GRAMD1A: variants seen among roughly 807,000 people sequenced by gnomAD.
GRAMD1A encodes the protein protein Aster-A.
Under a neutral mutation model 92.0 loss-of-function variants are expected in GRAMD1A, and 50 were observed. The observed-to-expected ratio is 0.54, with a 90% CI of 0.43 to 0.69. GRAMD1A has a LOEUF of 0.69. GRAMD1A is among the 30% of genes least tolerant of loss of function. GRAMD1A has a pLI of 0.00. For missense variants in GRAMD1A, 819 were observed against 978.9 expected, an observed-to-expected ratio of 0.84 and a Z score of 2.18; for synonymous variants, 405 against 403.6, an observed-to-expected ratio of 1.00 and a Z score of -0.04.
intron 19 of GRAMD1A, 93 bp from the exon 20 acceptor site, chr19:35,025,956 G>T: frequency 1.3e-6 from 1 of 755,082 alleles, no homozygotes; most frequent in Admixed American, 1.8e-5. Flanking sequence ...CCTCTAGACC[G>T]TCCTCAGTTT....
At chr19:35,019,560 C>A (rs201802738) in intron 13 of GRAMD1A, 27 bp downstream of exon 13, 2 of 1,609,928 alleles carry the variant, frequency 1.2e-6, no homozygotes, top group Non-Finnish European at 1.7e-6. Context: ...CCCCTCCACC[C>A]GATGCCCTGG....
In GRAMD1A at chr19:35,023,582, C is replaced by T. The variant is rs778622472; in HGVS notation, c.2082+35C>T. 56 of 1,541,194 alleles carry T rather than the reference C, an allele frequency of 3.6e-5. No individual in the cohort carries two copies. The East Asian group carries it at 5.8e-4, about 16-fold the overall frequency. On this transcript the variant is annotated intron_variant, in intron 19 of 19. Transcript: ENST00000317991. ...GCCGCTCGGGCAGGGCTCGGGGCTG[C>T]GGGGCTGCAGGGTCCTGTGTTGAAA...
Position 35,025,665 on chromosome 19 carries a change from T to C in GRAMD1A, c.2083-384T>C, listed in dbSNP as rs1033578490. Reference sequence around the variant, plus strand: ...CAGCTAACATGTGCTGAGCACTTAGTGTACACCAGGTTCTCAGTGCTCTTC... The same window carrying C: ...CAGCTAACATGTGCTGAGCACTTAGCGTACACCAGGTTCTCAGTGCTCTTC... On this transcript the variant is annotated intron_variant, in intron 19 of 19. Transcript: ENST00000317991. Among the ~76,000 whole-genome samples, 5 of 152,176 alleles carry C rather than the reference T, an allele frequency of 3.3e-5. No individual in the cohort carries two copies. The East Asian group carries it at 7.7e-4, about 23-fold the overall frequency.
chr19:34,999,752 G>A (rs761057221), upstream of GRAMD1A, among the ~76,000 whole-genome samples: 1 of 152,230 alleles, frequency 6.6e-6, no homozygotes, highest in Non-Finnish European at 1.5e-5. Context: ...GAGCCAGGGA[G>A]GCTGGATTCT....
chr19:35,015,501 C>T, intron 10 of GRAMD1A: 1 of 266,540 alleles, frequency 3.8e-6, no homozygotes. Context: ...ACCCACTCAC[C>T]CCTGAACCAA....
chr19:35,014,704 T>G, intron 10 of GRAMD1A: 4 of 393,580 alleles, frequency 1.0e-5, no homozygotes, highest in Admixed American at 3.7e-5. Flanking sequence ...ACAATGATAA[T>G]ACCCACTTCA....
At chr19:35,006,974 C>T (rs950326032) in intron 1 of GRAMD1A, among the ~76,000 whole-genome samples, 5 of 152,102 alleles carry the variant, frequency 3.3e-5, no homozygotes, top group South Asian at 2.1e-4. Context: ...GAGGCCTTGG[C>T]GTGGGAATGA....
chr19:35,026,161 G>A lies in GRAMD1A; in HGVS notation c.*20G>A, dbSNP rs748412676. ...TCCTGAGGACCCCGGCCACGCAGCT[G>A]TTCCCCCACATGGACAGATGGACAC... On this transcript the variant is annotated 3_prime_UTR_variant, in exon 20 of 20. Transcript: ENST00000317991. 4.3e-5 allele frequency: 55 copies of A among 1,276,758 alleles called. No homozygotes were observed. Among genetic ancestry groups the A allele is most frequent in the Non-Finnish European group, 5.8e-5 (51 of 873,044 alleles). The allele number at this position is 1,276,758 out of a possible 1,614,324, so 79.1% of individuals were successfully genotyped here. A position where few individuals can be genotyped will look rare whatever the true frequency, so the allele number is the denominator to read the frequency against.
At chr19:35,009,468 C>G (rs1193909939) in intron 3 of GRAMD1A, 25 bp downstream of exon 3, 1 of 1,613,098 alleles carries the variant, frequency 6.2e-7, no homozygotes, top group South Asian at 1.1e-5. Flanking sequence ...AAGGGGCTTG[C>G]TGGAGGGCTG....
At chr19:35,011,449 CT>C in intron 6 of GRAMD1A, 24 bp from the exon 7 acceptor site, 10 of 597,684 alleles carry the variant, frequency 1.7e-5, no homozygotes, top group Non-Finnish European at 2.3e-5. Context: ...CTGCTCACAC[CT>C]CTCTCTCTCT....
chr19:35,010,426 G>A, intron 6 of GRAMD1A, 47 bp downstream of exon 6: 6 of 1,257,238 alleles, frequency 4.8e-6, no homozygotes, highest in Non-Finnish European at 4.7e-6. Context: ...CCGCTCAGCA[G>A]GCCGCCTCCC....
upstream of GRAMD1A, among the ~76,000 whole-genome samples, chr19:34,997,657 G>C (rs150704297): frequency 6.6e-6 from 1 of 152,268 alleles, no homozygotes; most frequent in East Asian, 1.9e-4. Context: ...AATGATAATG[G>C]GGGACAGCAA....
chr19:35,013,577 C>A lies in GRAMD1A; in HGVS notation c.756C>A (p.Ser252Arg). 6.2e-7 allele frequency: 1 copy of A among 1,612,432 alleles called. No individual in the cohort carries two copies. The highest frequency in any genetic ancestry group is 8.5e-7 in the Non-Finnish European group (1 of 1,179,084). The stretch of plus-strand genomic sequence containing the variant: ...AAGTGGGAGATGTGATCGCCCTGAG[C>A]GACATCACCTCCTCGGGGGCAGCTG... Reference protein sequence around the residue: ...PKEVGDVIALSDITSSGAADR... With the variant: ...PKEVGDVIALRDITSSGAADR... The change falls in exon 9 of 20, where the codon AGC becomes AGA. Residue 252 changes from serine to arginine, a missense_variant. Ser to Arg is a moderately radical substitution (Grantham distance 110). This residue lies in a region of GRAMD1A where 577 missense variants were observed against 674.6 expected (regional missense o/e 0.86). Transcript: ENST00000317991. The surrounding 1 kb of genome is among the most constrained non-coding windows in gnomAD (Gnocchi z 4.9).
At position 35,022,243 on chromosome 19, in the gene GRAMD1A, G is replaced by T. The variant is rs759022159; in HGVS notation, c.1841+205G>T. ...CCTGCTAGAACAGCAGAGCCGGGGG[G>T]GGCTATGGGAGATCAGAGGGGCCTG... is the stretch of plus-strand genomic sequence containing the variant. On this transcript the variant is annotated intron_variant, in intron 16 of 19. Coordinates refer to ENST00000317991, the MANE Select transcript of GRAMD1A (RefSeq NM_020895.5). 2.0e-5 allele frequency among the ~76,000 whole-genome samples: 3 copies of T among 152,106 alleles called. No homozygotes were observed. The South Asian group carries it at 6.2e-4, about 32-fold the overall frequency.
Position 35,026,462 on chromosome 19 carries a change from C to G in GRAMD1A, c.*321C>G. The G allele has an allele frequency of 3.1e-6, 1 of 325,366 alleles. No individual in the cohort carries two copies. The highest frequency in any genetic ancestry group is 5.7e-6 in the Non-Finnish European group (1 of 175,456). The allele number at this position is 325,366 out of a possible 1,614,324, so 20.2% of individuals were successfully genotyped here. A position where few individuals can be genotyped will look rare whatever the true frequency, so the allele number is the denominator to read the frequency against. On this transcript the variant is annotated 3_prime_UTR_variant, in exon 20 of 20. Transcript: ENST00000317991. ...GGCCGACAGTGCCCCAATAAAGGGT[C>G]AGAAGTGGCTGTGGCTGTGCCTGTG...
rs374955333 is a variant in GRAMD1A, at chr19:35,013,763, A to T, written c.870+72A>T. On this transcript the variant is annotated intron_variant, in intron 9 of 19. Coordinates refer to ENST00000317991, the MANE Select transcript of GRAMD1A (RefSeq NM_020895.5). The surrounding 1 kb of genome is among the most constrained non-coding windows in gnomAD (Gnocchi z 4.9). ...AGGAGGGCTGGGGGTGCAGTGGGAG[A>T]AGAACAGCCTGACAGATTTGGAGGG... The T allele has an allele frequency of 2.4e-4, 348 of 1,445,792 alleles. No homozygotes were observed. Among genetic ancestry groups the T allele is most frequent in the African/African-American group, 1.6e-3 (115 of 71,586 alleles). 89.6% of individuals were successfully genotyped at this position (1,445,792 alleles called of 1,614,324 possible).
Position 35,019,276 on chromosome 19 carries a change from G to C in GRAMD1A, c.1299G>C (p.Leu433=). 6.2e-7 allele frequency: 1 copy of C among 1,613,510 alleles called. No homozygotes were observed. The highest frequency in any genetic ancestry group is 8.5e-7 in the Non-Finnish European group (1 of 1,179,644). ...LTYTIPISNP[L]GPKSASVVET... ...ACACCATCCCCATCAGCAACCCACT[G>C]GGCCCCAAGAGCGCCTCCGTGGTGG... The change falls in exon 12 of 20, where the codon CTG becomes CTC. Residue 433 remains leucine, a synonymous_variant. Transcript: ENST00000317991.
In GRAMD1A at chr19:35,014,201, A is replaced by G. The variant is rs750005184; in HGVS notation, c.883A>G (p.Lys295Glu). Residue 295 changes from lysine to glutamate, a missense_variant, in exon 10 of 20, where the codon AAG becomes GAG. Coordinates refer to ENST00000317991, the MANE Select transcript of GRAMD1A (RefSeq NM_020895.5). ...SDADHGAEED[K>E]EEQVDSQPDA... ...CCTTTCTCCACAGGCAGAGGAGGACAAGGAGGAGCAGGTAGACAGCCAGCC... is the reference window on the plus strand; with the variant it reads ...CCTTTCTCCACAGGCAGAGGAGGACGAGGAGGAGCAGGTAGACAGCCAGCC... 5 of 1,613,274 alleles carry G rather than the reference A, an allele frequency of 3.1e-6. No homozygotes were observed. Among genetic ancestry groups the G allele is most frequent in the Non-Finnish European group, 3.4e-6 (4 of 1,179,926 alleles).
At chr19:35,004,793 T>C (rs1310528995) in intron 1 of GRAMD1A, among the ~76,000 whole-genome samples, 2 of 152,170 alleles carry the variant, frequency 1.3e-5, no homozygotes, top group Admixed American at 6.5e-5. Context: ...CGCCAGTCCC[T>C]GTGGGAGGGA....
Sources: gnomAD v4.1 joint callset for allele counts (sites outside exome capture counted in the v4.1 genomes callset) on GRCh38, gnomAD v4.1.1 for gene constraint, gnomAD v4.1.1 regional missense constraint, Gnocchi (gnomAD v3.1) non-coding constraint, MANE v1.5 for transcripts, NCBI Gene and HGNC (gene_info 2026-07-23, HGNC 2026-07-21) for gene names.